The following EPN2 variants were observed in gnomAD, a reference collection of about 807,000 sequenced individuals.
EPN2 encodes epsin-2.
Under a neutral mutation model 61.7 loss-of-function variants are expected in EPN2, and 34 were observed. The ratio of observed to expected loss-of-function variants is 0.55; its 90% CI spans 0.42 to 0.73. The LOEUF (loss-of-function observed/expected upper bound fraction) is 0.73, where lower values mean the gene tolerates loss of function less well. EPN2 is among the 30% of genes least tolerant of loss of function. The probability of loss-of-function intolerance (pLI) is 0.00; values close to 1 mark genes in which losing one functional copy is unlikely to be tolerated. For synonymous variants in EPN2, 349 were observed against 353.6 expected (o/e 0.99, Z 0.15); for missense variants, 714 against 839.2 (o/e 0.85, Z 1.84).
At chr17:19,328,067 T>A (rs556180650) in intron 7 of EPN2, among the ~76,000 whole-genome samples, 5 of 152,328 alleles carry the variant, frequency 3.3e-5, no homozygotes, top group South Asian at 2.1e-4. Context: ...TTTTTAAAAA[T>A]TTTTTTCTCT....
intron 8 of EPN2, chr17:19,329,344 C>A: frequency 1.9e-6 from 1 of 515,544 alleles, no homozygotes; most frequent in South Asian, 3.2e-5. Context: ...GCATCCCACA[C>A]CCTGTCCTGG....
At chr17:19,313,803 G>A (rs1412374090) in intron 7 of EPN2, 1 of 152,824 alleles carries the variant, frequency 6.5e-6, no homozygotes, top group Non-Finnish European at 1.5e-5. Flanking sequence ...AATGTGAGAT[G>A]TAAGAGGAAT....
At chr17:19,273,558 C>G (rs1157084694) in intron 1 of EPN2, among the ~76,000 whole-genome samples, 3 of 152,002 alleles carry the variant, frequency 2.0e-5, no homozygotes, top group Non-Finnish European at 4.4e-5. Context: ...TAGACAGGGT[C>G]TTGCTAGGTT....
Position 19,310,053 on chromosome 17 carries a change from G to A in EPN2, c.879+56G>A, listed in dbSNP as rs867769180. ...TGACTGCCCATGCTCAGGGTGGAGT[G>A]TGGCTCACTGGGAAGAAGATGGCAG... On this transcript the variant is annotated intron_variant, in intron 5 of 10. Transcript: ENST00000314728. 32 of 1,259,646 alleles carry A rather than the reference G, an allele frequency of 2.5e-5. 1 individual carries two copies. Among genetic ancestry groups the A allele is most frequent in the South Asian group, 2.4e-4 (20 of 83,858 alleles). The allele number at this position is 1,259,646 out of a possible 1,614,324, so 78.0% of individuals were successfully genotyped here. A position where few individuals can be genotyped will look rare whatever the true frequency, so the allele number is the denominator to read the frequency against.
chr17:19,254,466 A>G (rs2045051226), intron 1 of EPN2, among the ~76,000 whole-genome samples: 2 of 152,250 alleles, frequency 1.3e-5, no homozygotes, highest in Non-Finnish European at 1.5e-5. Context: ...CCTCGAACCC[A>G]GGAGGCAGAG....
chr17:19,314,261 C>T (rs1446400007), intron 7 of EPN2, among the ~76,000 whole-genome samples: 1 of 152,062 alleles, frequency 6.6e-6, no homozygotes, highest in Non-Finnish European at 1.5e-5. Context: ...GTCCAGGACT[C>T]GATGGAGGTT....
Position 19,331,842 on chromosome 17 carries a change from T to G in EPN2, c.1412-11T>G, listed in dbSNP as rs1417944831. The G allele has an allele frequency of 5.0e-6, 8 of 1,612,650 alleles. No individual in the cohort carries two copies. Among genetic ancestry groups the G allele is most frequent in the African/African-American group, 1.3e-5 (1 of 74,894 alleles). On this transcript the variant is annotated splice_polypyrimidine_tract_variant and intron_variant, in intron 9 of 10. Transcript: ENST00000314728. ...CACACTCACCCTGCCATATGTGTCC[T>G]TGTCTTGTAGCCGAATCTGTGACCT...
chr17:19,311,316 A>G (rs1331128176), intron 5 of EPN2, among the ~76,000 whole-genome samples: 4 of 152,134 alleles, frequency 2.6e-5, no homozygotes, highest in Non-Finnish European at 5.9e-5. Flanking sequence ...GGACAGACGG[A>G]CGGTTTGAGC....
chr17:19,280,229 T>C (rs1567852641), intron 1 of EPN2, among the ~76,000 whole-genome samples: 1 of 152,150 alleles, frequency 6.6e-6, no homozygotes, highest in African/African-American at 2.4e-5. Flanking sequence ...GAACAACAAA[T>C]TGAAGGGCCT....
At chr17:19,290,150 G>C (rs2045448674) in intron 4 of EPN2, among the ~76,000 whole-genome samples, 1 of 152,176 alleles carries the variant, frequency 6.6e-6, no homozygotes, top group African/African-American at 2.4e-5. Flanking sequence ...TCAGTGCTCA[G>C]GACAGTTGTG....
chr17:19,267,427 C>G (rs189667148), intron 1 of EPN2, among the ~76,000 whole-genome samples: 15 of 152,092 alleles, frequency 9.9e-5, no homozygotes, highest in African/African-American at 3.6e-4. Context: ...ACAAAAAGAT[C>G]CCCCCATATG....
intron 4 of EPN2, among the ~76,000 whole-genome samples, chr17:19,289,382 A>C (rs12051850): frequency 0.99 from 150,338 of 152,140 alleles, 74,368 homozygotes; most frequent in Middle Eastern, 1. Flanking sequence ...CCGCACCTGG[A>C]CGATTCTGGG....
rs369216073 is a variant in EPN2, at chr17:19,285,801, G to A, written c.766+11G>A. ...ACCGCGCAGCCCGAGGTGGGACGGC[G>A]GTTTGCTTTTTTCCTTACTAGAAAT... On this transcript the variant is annotated intron_variant, in intron 4 of 10. Transcript: ENST00000314728. The surrounding 1 kb of genome is among the most constrained non-coding windows in gnomAD (Gnocchi z 4.5). 5.7e-6 allele frequency: 9 copies of A among 1,568,896 alleles called. No homozygotes were observed. The highest frequency in any genetic ancestry group is 3.6e-5 in the Admixed American group (2 of 55,270).
chr17:19,330,461 C>T (rs1257769918), intron 9 of EPN2, among the ~76,000 whole-genome samples: 2 of 152,174 alleles, frequency 1.3e-5, no homozygotes, highest in Non-Finnish European at 2.9e-5. Context: ...AGCAGCCTGG[C>T]ACCGTTGACC....
At chr17:19,315,913 T>C (rs1291812498) in intron 7 of EPN2, among the ~76,000 whole-genome samples, 2 of 152,238 alleles carry the variant, frequency 1.3e-5, no homozygotes, top group Non-Finnish European at 2.9e-5. Flanking sequence ...ACCCAGGCCC[T>C]GGCAACCAGT....
intron 1 of EPN2, among the ~76,000 whole-genome samples, chr17:19,261,257 A>T (rs1262763704): frequency 6.6e-6 from 1 of 152,252 alleles, no homozygotes; most frequent in East Asian, 1.9e-4. Context: ...CGTCAACACA[A>T]GGTGTAGTCA....
chr17:19,309,945 A>G lies in EPN2; in HGVS notation c.827A>G (p.Glu276Gly). 6.2e-7 allele frequency: 1 copy of G among 1,609,318 alleles called. No homozygotes were observed. Among genetic ancestry groups the G allele is most frequent in the Non-Finnish European group, 8.5e-7 (1 of 1,180,000 alleles). Residue 276 changes from glutamate to glycine, a missense_variant, in exon 5 of 11, where the codon GAG becomes GGG. By Grantham distance (98) the Glu-to-Gly change is moderately conservative. Transcript: ENST00000314728. ...EQARPQTSGEEELQLQLALAM... is the reference protein window; with the variant it reads ...EQARPQTSGEGELQLQLALAM... ...GCCCGGCCCCAGACTAGTGGAGAAG[A>G]GGAGCTTCAGCTGCAGCTGGCACTT...
intron 1 of EPN2, among the ~76,000 whole-genome samples, chr17:19,237,898 G>A (rs1296074699): frequency 1.3e-5 from 2 of 151,964 alleles, no homozygotes; most frequent in Admixed American, 6.6e-5. Flanking sequence ...GAACAACCCC[G>A]CCCCCTCCCC....
At chr17:19,289,876 C>T (rs1277699524) in intron 4 of EPN2, among the ~76,000 whole-genome samples, 1 of 151,816 alleles carries the variant, frequency 6.6e-6, no homozygotes, top group Non-Finnish European at 1.5e-5. Flanking sequence ...AGGCACATGT[C>T]ACCATGCCTG....
Sources: gnomAD v4.1 joint callset for allele counts (sites outside exome capture counted in the v4.1 genomes callset) on GRCh38, gnomAD v4.1.1 for gene constraint, Gnocchi (gnomAD v3.1) non-coding constraint, MANE v1.5 for transcripts, NCBI Gene and HGNC (gene_info 2026-07-23, HGNC 2026-07-21) for gene names.